DRD4: variants seen among roughly 807,000 people sequenced by gnomAD.
The protein encoded by DRD4 is D(4) dopamine receptor.
A neutral mutation model predicts 22.1 loss-of-function variants in DRD4; 26 were observed. That is an observed-to-expected ratio of 1.17 (90% CI 0.86 to 1.63). The LOEUF is 1.63. DRD4 is among the 40% of genes most tolerant of loss of function. The pLI, the probability that DRD4 is intolerant of heterozygous loss-of-function variation, is 0.00. For missense variants in DRD4, 913 were observed against 632.4 expected (o/e 1.44, Z -4.76); for synonymous variants, 455 against 306.7 (o/e 1.48, Z -5.05).
At position 639,505 on chromosome 11, in the gene DRD4, ACCGCCTCCATCTTCAACCTGTGCG is replaced by A. The variant is rs1858150425; in HGVS notation, c.361_384del (p.Ala121_Ala128del). ...CATGGCCATGGACGTCATGCTGTGC[ACCGCCTCCATCTTCAACCTGTGCG>A]CCATCAGCGTGGACAGGTGCGCCGC... is the stretch of plus-strand genomic sequence containing the variant. On this transcript the variant is annotated inframe_deletion, in exon 2 of 4. Transcript: ENST00000176183. 1 of 1,603,092 alleles carries A rather than the reference ACCGCCTCCATCTTCAACCTGTGCG, an allele frequency of 6.2e-7. No individual in the cohort carries two copies. The highest frequency in any genetic ancestry group is 8.5e-7 in the Non-Finnish European group (1 of 1,178,818).
At chr11:638,012 G>A (rs955982682) in intron 1 of DRD4, among the ~76,000 whole-genome samples, 1 of 151,830 alleles carries the variant, frequency 6.6e-6, no homozygotes, top group Admixed American at 6.6e-5. Context: ...CACTGCCACA[G>A]CCACTGCCCA....
intron 1 of DRD4, chr11:639,071 GAAACTCCGTCTC>G: frequency 3.5e-6 from 1 of 287,890 alleles, no homozygotes; most frequent in Admixed American, 4.6e-5. Flanking sequence ...CAACAAGAGC[GAAACTCCGTCTC>G]AAAAAACAAA....
Position 637,314 on chromosome 11 carries a change from C to T in DRD4, c.10C>T (p.Arg4Cys), listed in dbSNP as rs766253519. 3.9e-4 allele frequency: 486 copies of T among 1,243,902 alleles called. No homozygotes were observed. Among genetic ancestry groups the T allele is most frequent in the Non-Finnish European group, 4.5e-4 (448 of 997,292 alleles). The allele number at this position is 1,243,902 out of a possible 1,614,324, so 77.1% of individuals were successfully genotyped here. MGN[R>C]STADADGLLA... ...CCCGCCCGGGCGCGCCATGGGGAAC[C>T]GCAGCACCGCGGACGCGGACGGGCT... Residue 4 changes from arginine to cysteine, a missense_variant, in exon 1 of 4, where the codon CGC (arginine) becomes TGC (cysteine). Transcript: ENST00000176183.
chr11:640,219 C>G lies in DRD4; in HGVS notation c.970C>G (p.Gln324Glu), dbSNP rs1201410540. Residue 324 changes from glutamine (Q) to glutamate (E), a missense_variant, in exon 3 of 4, where the codon CAG becomes GAG. Gln to Glu is a conservative substitution (Grantham distance 29). Coordinates refer to ENST00000176183, the MANE Select transcript of DRD4 (RefSeq NM_000797.4). ...DAVRAAALPP[Q>E]TPPQTRRRRR... ...CGTCAGAGCCGCCGCGCTCCCACCCCAGACTCCACCGCAGACCCGCAGGAG... is the reference window on the plus strand; with the variant it reads ...CGTCAGAGCCGCCGCGCTCCCACCCGAGACTCCACCGCAGACCCGCAGGAG... 3.9e-6 allele frequency: 6 copies of G among 1,532,800 alleles called. No individual in the cohort carries two copies. The highest frequency in any genetic ancestry group is 1.2e-5 in the South Asian group (1 of 83,942). 94.9% of individuals were successfully genotyped at this position (1,532,800 alleles called of 1,614,324 possible).
rs779748850 is a variant in DRD4 at position 640,441 on chromosome 11, C to A, written c.1098C>A (p.His366Gln). 1.9e-6 allele frequency: 3 copies of A among 1,601,422 alleles called. No homozygotes were observed. The South Asian group carries it at 3.3e-5, about 18-fold the overall frequency. Reference protein sequence around the residue: ...LLCWTPFFVVHITQALCPACS... With the variant: ...LLCWTPFFVVQITQALCPACS... The stretch of plus-strand genomic sequence containing the variant: ...GCTGGACGCCCTTCTTCGTGGTGCA[C>A]ATCACGCAGGCGCTGTGTCCTGCCT... Residue 366 changes from histidine (H) to glutamine (Q), a missense_variant, in exon 4 of 4, where the codon CAC (histidine) becomes CAA (glutamine). His to Gln is a conservative substitution (Grantham distance 24). Transcript: ENST00000176183.
At position 639,747 on chromosome 11, in the gene DRD4, G is replaced by A. The variant is rs766187121; in HGVS notation, c.498G>A (p.Val166=). 6.5e-7 allele frequency: 1 copy of A among 1,541,128 alleles called. No individual in the cohort carries two copies. The highest frequency in any genetic ancestry group is 8.7e-7 in the Non-Finnish European group (1 of 1,153,366). ...CCACGTGGCTGCTGTCCGCGGCGGT[G>A]GCGGCGCCCGTACTGTGCGGCCTCA... The part of the protein sequence containing the change: ...IGATWLLSAA[V]AAPVLCGLND... Residue 166 remains valine (V), a synonymous_variant, in exon 3 of 4, where the codon GTG becomes GTA. Transcript: ENST00000176183.
In DRD4 at chr11:637,394, G is replaced by A; in HGVS notation, c.90G>A (p.Leu30=). 6 of 1,462,880 alleles carry A rather than the reference G, an allele frequency of 4.1e-6. No individual in the cohort carries two copies. The highest frequency in any genetic ancestry group is 5.4e-6 in the Non-Finnish European group (6 of 1,115,012). 90.6% of individuals were successfully genotyped at this position (1,462,880 alleles called of 1,614,324 possible). ...AGASAGASAG[L]AGQGAAALVG... ...CATCTGCGGGGGCATCTGCGGGGCT[G>A]GCTGGGCAGGGCGCGGCGGCGCTGG... The change falls in exon 1 of 4, where the codon CTG becomes CTA. Residue 30 remains leucine (L), a synonymous_variant. Coordinates refer to ENST00000176183, the MANE Select transcript of DRD4 (RefSeq NM_000797.4).
At chr11:639,123 C>T (rs1858137144) in intron 1 of DRD4, 2 of 397,402 alleles carry the variant, frequency 5.0e-6, no homozygotes, top group South Asian at 2.8e-5. Context: ...GGGGTGGTGG[C>T]GCGCGGCTGT....
chr11:640,113 C>A lies in DRD4; in HGVS notation c.864C>A (p.Asp288Glu), dbSNP rs1475800308. 2 of 1,350,890 alleles carry A rather than the reference C, an allele frequency of 1.5e-6. No homozygotes were observed. Among genetic ancestry groups the A allele is most frequent in the Non-Finnish European group, 1.9e-6 (2 of 1,045,984 alleles). 83.7% of individuals were successfully genotyped at this position (1,350,890 alleles called of 1,614,324 possible). A position where few individuals can be genotyped will look rare whatever the true frequency, so the allele number is the denominator to read the frequency against. ...CCGCCGCGCCCAGCCTCCCCCAGGA[C>A]CCCTGCGGCCCCGACTGTGCGCCCC... ...CAPAAPSLPQDPCGPDCAPPA... is the reference protein window; with the variant it reads ...CAPAAPSLPQEPCGPDCAPPA... The change falls in exon 3 of 4, where the codon GAC becomes GAA. Residue 288 changes from aspartate to glutamate, a missense_variant. Transcript: ENST00000176183.
chr11:638,635 C>T (rs1370939051), intron 1 of DRD4, among the ~76,000 whole-genome samples: 1 of 152,176 alleles, frequency 6.6e-6, no homozygotes, highest in African/African-American at 2.4e-5. Context: ...AATGAATTAA[C>T]GTGCCCGAGT....
Position 640,341 on chromosome 11 carries a change from AG to A in DRD4, c.1057+44del, listed in dbSNP as rs564667137. 3.0e-3 allele frequency: 3,633 copies of A among 1,219,452 alleles called. 15 individuals are homozygous for A. The highest frequency in any genetic ancestry group is 0.02 in the East Asian group (673 of 34,282). 75.5% of individuals were successfully genotyped at this position (1,219,452 alleles called of 1,614,324 possible). A position where few individuals can be genotyped will look rare whatever the true frequency, so the allele number is the denominator to read the frequency against. Reference sequence around the variant, plus strand: ...TGTCCTGAGGGGCGGGGAGGAGAGGAGGGGGGGGGTACGAGGCCGGCTGGGC... The same window carrying A: ...TGTCCTGAGGGGCGGGGAGGAGAGGAGGGGGGGGTACGAGGCCGGCTGGGC... On this transcript the variant is annotated intron_variant, in intron 3 of 3. Transcript: ENST00000176183.
At chr11:640,375 G>C (rs750118457) in intron 3 of DRD4, 26 bp from the exon 4 acceptor site, 2 of 1,592,368 alleles carry the variant, frequency 1.3e-6, no homozygotes, top group South Asian at 2.2e-5. Flanking sequence ...GGCGGGGGGC[G>C]CTAACGCGGC....
Position 639,691 on chromosome 11 carries a change from GGGAGCCGCCGGCAGCTGCTGCTCATC to G in DRD4, c.445_470del (p.Ser149ArgfsTer292). On this transcript the variant is annotated frameshift_variant, in exon 3 of 4. Transcript: ENST00000176183. LOFTEE classifies it high-confidence loss of function. ...GCCGCTGCGCTACAACCGGCAGGGTGGGAGCCGCCGGCAGCTGCTGCTCATCGGCGCCACGTGGCTGCTGTCCGCGG... is the reference window on the plus strand; with the variant it reads ...GCCGCTGCGCTACAACCGGCAGGGTGGGCGCCACGTGGCTGCTGTCCGCGG... 6.8e-7 allele frequency: 1 copy of G among 1,479,132 alleles called. No individual in the cohort carries two copies. The highest frequency in any genetic ancestry group is 8.9e-7 in the Non-Finnish European group (1 of 1,120,548). The allele number at this position is 1,479,132 out of a possible 1,614,324, so 91.6% of individuals were successfully genotyped here. A position where few individuals can be genotyped will look rare whatever the true frequency, so the allele number is the denominator to read the frequency against.
At chr11:639,583 C>A (rs775183537) in intron 2 of DRD4, 38 bp downstream of exon 2, 5 of 1,312,834 alleles carry the variant, frequency 3.8e-6, no homozygotes, top group Non-Finnish European at 4.8e-6. Context: ...GGCGCCCCCG[C>A]GCCCCGCCCG....
chr11:637,372 C>T lies in DRD4; in HGVS notation c.68C>T (p.Ser23Phe), dbSNP rs1408168512. The change falls in exon 1 of 4, where the codon TCT becomes TTT. Residue 23 changes from serine (S) to phenylalanine (F), a missense_variant. Transcript: ENST00000176183. ...LAGRGPAAGA[S>F]AGASAGLAGQ... The stretch of plus-strand genomic sequence containing the variant: ...GGGCGCGGGCCGGCCGCGGGGGCAT[C>T]TGCGGGGGCATCTGCGGGGCTGGCT... The T allele has an allele frequency of 8.5e-7, 1 of 1,173,854 alleles. No individual in the cohort carries two copies. The highest frequency in any genetic ancestry group is 1.1e-6 in the Non-Finnish European group (1 of 919,772). The allele number at this position is 1,173,854 out of a possible 1,614,324, so 72.7% of individuals were successfully genotyped here. A position where few individuals can be genotyped will look rare whatever the true frequency, so the allele number is the denominator to read the frequency against.
Position 639,846 on chromosome 11 carries a change from C to G in DRD4, c.597C>G (p.Cys199Trp). The change falls in exon 3 of 4, where the codon TGC (cysteine) becomes TGG (tryptophan). Residue 199 changes from cysteine (C) to tryptophan (W), a missense_variant. Transcript: ENST00000176183. Reference sequence around the variant, plus strand: ...ACTACGTGGTCTACTCGTCCGTGTGCTCCTTCTTCCTACCCTGCCCGCTCA... The same window carrying G: ...ACTACGTGGTCTACTCGTCCGTGTGGTCCTTCTTCCTACCCTGCCCGCTCA... Reference protein sequence around the residue: ...DRDYVVYSSVCSFFLPCPLML... With the variant: ...DRDYVVYSSVWSFFLPCPLML... 6.3e-7 allele frequency: 1 copy of G among 1,586,656 alleles called. No homozygotes were observed. The highest frequency in any genetic ancestry group is 8.5e-7 in the Non-Finnish European group (1 of 1,174,104).
At chr11:638,561 T>TATC (rs2133249319) in intron 1 of DRD4, among the ~76,000 whole-genome samples, 1 of 152,290 alleles carries the variant, frequency 6.6e-6, no homozygotes, top group East Asian at 1.9e-4. Flanking sequence ...AATTATAATT[T>TATC]ATCTTCAAGA....
rs746459074 is a variant in DRD4 at position 639,845 on chromosome 11, G to A, written c.596G>A (p.Cys199Tyr). Reference protein sequence around the residue: ...DRDYVVYSSVCSFFLPCPLML... With the variant: ...DRDYVVYSSVYSFFLPCPLML... ...GACTACGTGGTCTACTCGTCCGTGT[G>A]CTCCTTCTTCCTACCCTGCCCGCTC... The change falls in exon 3 of 4, where the codon TGC (cysteine) becomes TAC (tyrosine). Residue 199 changes from cysteine to tyrosine, a missense_variant. Coordinates refer to ENST00000176183, the MANE Select transcript of DRD4 (RefSeq NM_000797.4). The A allele has an allele frequency of 2.9e-5, 46 of 1,586,602 alleles. No homozygotes were observed. The highest frequency in any genetic ancestry group is 2.2e-4 in the South Asian group (20 of 89,906).
Position 637,444 on chromosome 11 carries a change from C to A in DRD4, c.140C>A (p.Ala47Glu), listed in dbSNP as rs914768657. The change falls in exon 1 of 4, where the codon GCG (alanine) becomes GAG (glutamate). Residue 47 changes from alanine (A) to glutamate (E), a missense_variant. Coordinates refer to ENST00000176183, the MANE Select transcript of DRD4 (RefSeq NM_000797.4). Reference sequence around the variant, plus strand: ...GTGGGGGGCGTGCTGCTCATCGGCGCGGTGCTCGCGGGGAACTCGCTCGTG... The same window carrying A: ...GTGGGGGGCGTGCTGCTCATCGGCGAGGTGCTCGCGGGGAACTCGCTCGTG... ...ALVGGVLLIG[A>E]VLAGNSLVCV... The A allele has an allele frequency of 5.9e-6, 9 of 1,533,016 alleles. No individual in the cohort carries two copies. In the African/African-American group the frequency reaches 9.6e-5, roughly 16 times the overall value. 95.0% of individuals were successfully genotyped at this position (1,533,016 alleles called of 1,614,324 possible).
Sources: gnomAD v4.1 joint callset for allele counts (sites outside exome capture counted in the v4.1 genomes callset) on GRCh38, gnomAD v4.1.1 for gene constraint, MANE v1.5 for transcripts, NCBI Gene and HGNC (gene_info 2026-07-23, HGNC 2026-07-21) for gene names.